Variants in PLEKHG2 observed in about 807,000 individuals in gnomAD.
The protein encoded by PLEKHG2 is pleckstrin homology and RhoGEF domain containing G2, also known as pleckstrin homology domain-containing family G member 2.
In PLEKHG2, 71 loss-of-function variants were observed where a neutral mutation model predicts 104.4. The observed-to-expected ratio is 0.68, with a 90% CI of 0.56 to 0.83. The LOEUF is 0.83. PLEKHG2 is among the 40% of genes least tolerant of loss of function. The pLI, the probability that PLEKHG2 is intolerant of heterozygous loss-of-function variation, is 0.00. For synonymous variants in PLEKHG2, 728 were observed against 737.0 expected (o/e 0.99, Z 0.20); for missense variants, 1,730 against 1,809.4 (o/e 0.96, Z 0.80).
chr19:39,426,916 T>C lies in PLEKHG2; in HGVS notation c.*1622T>C, dbSNP rs2078788150. On this transcript the variant is annotated 3_prime_UTR_variant, in exon 19 of 19. Transcript: ENST00000425673. The stretch of plus-strand genomic sequence containing the variant: ...TTGAGTGCAGTGGCAAAATCTTGGC[T>C]CATTGCAACCTCCACCTCCTGGGTT... The C allele has an allele frequency of 6.6e-6, 1 of 151,634 alleles. No homozygotes were observed. The highest frequency in any genetic ancestry group is 1.5e-5 in the Non-Finnish European group (1 of 67,978). 9.4% of individuals were successfully genotyped at this position (151,634 alleles called of 1,614,324 possible).
chr19:39,422,655 C>T (rs918408181), intron 17 of PLEKHG2, 77 bp from the exon 18 acceptor site: 3 of 1,470,688 alleles, frequency 2.0e-6, no homozygotes, highest in Non-Finnish European at 1.8e-6. Context: ...TCCCAAAGTG[C>T]TGGGATTACA....
chr19:39,416,108 G>A lies in PLEKHG2; in HGVS notation c.480-240G>A, dbSNP rs1190371433. Among the ~76,000 whole-genome samples the A allele has an allele frequency of 6.6e-6, 1 of 152,118 alleles. No homozygotes were observed. The highest frequency in any genetic ancestry group is 1.5e-5 in the Non-Finnish European group (1 of 68,012). ...ATATAACACCCCTAGGCTCATGCCA[G>A]CACTGACACAAGTTCAAGCTGAGGA... On this transcript the variant is annotated intron_variant, in intron 4 of 18. Transcript: ENST00000425673. The surrounding 1 kb of genome is among the most constrained non-coding windows in gnomAD (Gnocchi z 4.5).
chr19:39,421,748 G>A (rs1035947247), intron 16 of PLEKHG2: 1 of 222,934 alleles, frequency 4.5e-6, no homozygotes, highest in South Asian at 9.7e-5. Flanking sequence ...GCCAGGTACG[G>A]TGGCTCACCT....
chr19:39,417,920 C>A lies in PLEKHG2; in HGVS notation c.898C>A (p.Leu300Met). 3.2e-6 allele frequency: 5 copies of A among 1,541,812 alleles called. No individual in the cohort carries two copies. The highest frequency in any genetic ancestry group is 4.4e-6 in the Non-Finnish European group (5 of 1,145,356). ...GTCCCGGCAGGAAGTGCAGCGGCGG[C>A]TGGGTGGCTGGACCGGACCAGAGCT... Reference protein sequence around the residue: ...AARLQEVQRRLGGWTGPELSA... With the variant: ...AARLQEVQRRMGGWTGPELSA... Residue 300 changes from leucine to methionine, a missense_variant, in exon 9 of 19, where the codon CTG (leucine) becomes ATG (methionine). Physicochemically the swap from Leu to Met is conservative, Grantham distance 15. Coordinates refer to ENST00000425673, the MANE Select transcript of PLEKHG2 (RefSeq NM_022835.3).
intron 16 of PLEKHG2, chr19:39,421,811 A>ATT (rs2078702449): frequency 4.2e-6 from 1 of 240,064 alleles, no homozygotes; most frequent in Non-Finnish European, 7.9e-6. Flanking sequence ...GAGATCAGGA[A>ATT]TTTGAGACCA....
intron 11 of PLEKHG2, among the ~76,000 whole-genome samples, chr19:39,419,804 G>A (rs2078669106): frequency 6.6e-6 from 1 of 152,014 alleles, no homozygotes; most frequent in African/African-American, 2.4e-5. Context: ...GTGAACCCAG[G>A]AGGCAAGAGC....
chr19:39,419,262 A>G (rs1461162183), intron 11 of PLEKHG2, among the ~76,000 whole-genome samples: 4 of 152,174 alleles, frequency 2.6e-5, no homozygotes, highest in Non-Finnish European at 5.9e-5. Flanking sequence ...GGTTGTGGTG[A>G]TGAGTAATGG....
rs111927811 is a variant in PLEKHG2, at chr19:39,422,515, C to T, written c.1678-217C>T. Among the ~76,000 whole-genome samples the T allele has an allele frequency of 2.9e-3, 438 of 151,954 alleles. 2 individuals are homozygous for T. The highest frequency in any genetic ancestry group is 0.01 in the African/African-American group (431 of 41,468). ...GCCTCAGCCTCCTGAGTAGCTGGGACTACAGGCACCCGCCAACACACCCGG... is the reference window on the plus strand; with the variant it reads ...GCCTCAGCCTCCTGAGTAGCTGGGATTACAGGCACCCGCCAACACACCCGG... On this transcript the variant is annotated intron_variant, in intron 17 of 18. Coordinates refer to ENST00000425673, the MANE Select transcript of PLEKHG2 (RefSeq NM_022835.3).
chr19:39,418,998 G>A lies in PLEKHG2; in HGVS notation c.1258G>A (p.Ala420Thr). 1 of 1,610,890 alleles carries A rather than the reference G, an allele frequency of 6.2e-7. No individual in the cohort carries two copies. The highest frequency in any genetic ancestry group is 8.5e-7 in the Non-Finnish European group (1 of 1,179,430). ...TGAGAACCACCCTGCCTCCATCCCTGCCAAGGTACAGCTCCTGCCGCAGCC... is the reference window on the plus strand; with the variant it reads ...TGAGAACCACCCTGCCTCCATCCCTACCAAGGTACAGCTCCTGCCGCAGCC... The part of the protein sequence containing the change: ...FFENHPASIP[A>T]KAKQVLLENS... Residue 420 changes from alanine (A) to threonine (T), a missense_variant, in exon 11 of 19, where the codon GCC becomes ACC. Transcript: ENST00000425673.
intron 8 of PLEKHG2, 51 bp downstream of exon 8, chr19:39,417,743 G>T: frequency 6.7e-7 from 1 of 1,491,392 alleles, no homozygotes; most frequent in Non-Finnish European, 9.1e-7. Flanking sequence ...GAGCGAGGGG[G>T]CCTTGGGGCG....
chr19:39,417,908 G>C lies in PLEKHG2; in HGVS notation c.886G>C (p.Val296Leu). ...GCACCTGGCGGGGTCCCGGCAGGAA[G>C]TGCAGCGGCGGCTGGGTGGCTGGAC... is the stretch of plus-strand genomic sequence containing the variant. ...KQEHAARLQE[V>L]QRRLGGWTGP... Residue 296 changes from valine (V) to leucine (L), a missense_variant, in exon 9 of 19, where the codon GTG becomes CTG. Coordinates refer to ENST00000425673, the MANE Select transcript of PLEKHG2 (RefSeq NM_022835.3). The C allele has an allele frequency of 1.3e-6, 2 of 1,540,392 alleles. No homozygotes were observed. Among genetic ancestry groups the C allele is most frequent in the Non-Finnish European group, 1.7e-6 (2 of 1,145,076 alleles).
Position 39,425,588 on chromosome 19 carries a change from C to G in PLEKHG2, c.*294C>G, listed in dbSNP as rs926573515. ...ATGAATGGGAAGGTCTGACACAGAA[C>G]AAATCAGCGGTTCTGAAAGCTTGGG... On this transcript the variant is annotated 3_prime_UTR_variant, in exon 19 of 19. Transcript: ENST00000425673. 29 of 435,180 alleles carry G rather than the reference C, an allele frequency of 6.7e-5. No homozygotes were observed. The highest frequency in any genetic ancestry group is 1.1e-4 in the Non-Finnish European group (27 of 253,872). 27.0% of individuals were successfully genotyped at this position (435,180 alleles called of 1,614,324 possible).
rs1264509943 is a variant in PLEKHG2, at chr19:39,422,834, G to A, written c.1780G>A (p.Glu594Lys). The A allele has an allele frequency of 2.6e-6, 4 of 1,559,198 alleles. 1 individual carries two copies. The African/African-American group carries it at 4.1e-5, about 16-fold the overall frequency. The stretch of plus-strand genomic sequence containing the variant: ...CCTGCCCAGCCGGGACTCTTCAGAA[G>A]AGGAGGAGGAGGAAGAGGAAGGGCT... ...QALPSRDSSEEEEEEEEGLEM... is the reference protein window; with the variant it reads ...QALPSRDSSEKEEEEEEGLEM... Residue 594 changes from glutamate (E) to lysine (K), a missense_variant, in exon 18 of 19, where the codon GAG becomes AAG. Coordinates refer to ENST00000425673, the MANE Select transcript of PLEKHG2 (RefSeq NM_022835.3).
Position 39,416,083 on chromosome 19 carries a change from A to C in PLEKHG2, c.480-265A>C, listed in dbSNP as rs2078598275. Reference sequence around the variant, plus strand: ...GATCATCCTAGCTCTTTGGGTCATGATATAACACCCCTAGGCTCATGCCAG... The same window carrying C: ...GATCATCCTAGCTCTTTGGGTCATGCTATAACACCCCTAGGCTCATGCCAG... On this transcript the variant is annotated intron_variant, in intron 4 of 18. Coordinates refer to ENST00000425673, the MANE Select transcript of PLEKHG2 (RefSeq NM_022835.3). This position sits in a 1 kb window ranked among gnomAD's most constrained non-coding sequence, Gnocchi z 4.5. Among the ~76,000 whole-genome samples the C allele has an allele frequency of 6.6e-6, 1 of 152,094 alleles. No homozygotes were observed. The highest frequency in any genetic ancestry group is 2.4e-5 in the African/African-American group (1 of 41,382).
rs1333938741 is a variant in PLEKHG2, at chr19:39,425,725, A to G, written c.*431A>G. Reference sequence around the variant, plus strand: ...AGCCAAGTTAAGAAGCTTTGCTTCAAGTAGACACTAGAAATCCATTCCCTT... The same window carrying G: ...AGCCAAGTTAAGAAGCTTTGCTTCAGGTAGACACTAGAAATCCATTCCCTT... On this transcript the variant is annotated 3_prime_UTR_variant, in exon 19 of 19. Coordinates refer to ENST00000425673, the MANE Select transcript of PLEKHG2 (RefSeq NM_022835.3). The G allele has an allele frequency of 4.0e-6, 1 of 249,338 alleles. No homozygotes were observed. The highest frequency in any genetic ancestry group is 7.7e-5 in the East Asian group (1 of 12,998). 15.4% of individuals were successfully genotyped at this position (249,338 alleles called of 1,614,324 possible). A position where few individuals can be genotyped will look rare whatever the true frequency, so the allele number is the denominator to read the frequency against.
chr19:39,414,926 C>A, intron 2 of PLEKHG2, 66 bp from the exon 3 acceptor site: 1 of 1,486,326 alleles, frequency 6.7e-7, no homozygotes, highest in Non-Finnish European at 9.0e-7. Flanking sequence ...GGGCTGAACG[C>A]ATGAAAGGCT....
Position 39,423,423 on chromosome 19 carries a change from T to C in PLEKHG2, c.2369T>C (p.Ile790Thr), listed in dbSNP as rs755075052. ...ARPGFPEPLL[I>T]LEDSDLGGDS... ...CCAGGCTTCCCAGAGCCACTGCTGA[T>C]CCTGGAGGATTCGGATCTGGGTGGA... The change falls in exon 18 of 19, where the codon ATC becomes ACC. Residue 790 changes from isoleucine (I) to threonine (T), a missense_variant. Physicochemically the swap from Ile to Thr is moderately conservative, Grantham distance 89. Transcript: ENST00000425673. 25 of 1,610,908 alleles carry C rather than the reference T, an allele frequency of 1.6e-5. No individual in the cohort carries two copies. In the Admixed American group the frequency reaches 1.7e-4, roughly 11 times the overall value.
chr19:39,414,086 C>G lies in PLEKHG2; in HGVS notation c.-1C>G, dbSNP rs1300959103. The G allele has an allele frequency of 6.4e-7, 1 of 1,551,210 alleles. No homozygotes were observed. On this transcript the variant is annotated 5_prime_UTR_variant, in exon 2 of 19. Transcript: ENST00000425673. ...GCAGGACTCTGCTGGGCCGCTCAGC[C>G]ATGCCTGAGGGAGCCCAAGGACTGA... is the stretch of plus-strand genomic sequence containing the variant.
chr19:39,417,710 T>A lies in PLEKHG2; in HGVS notation c.882+18T>A. 8.7e-7 allele frequency: 1 copy of A among 1,154,178 alleles called. No homozygotes were observed. Among genetic ancestry groups the A allele is most frequent in the Non-Finnish European group, 1.1e-6 (1 of 907,490 alleles). The allele number at this position is 1,154,178 out of a possible 1,614,324, so 71.5% of individuals were successfully genotyped here. ...GCCTCCAGGTGGCCCCAGGGTGGGC[T>A]GGGGCTTGCTGGATGAGGGAGTGAG... is the stretch of plus-strand genomic sequence containing the variant. On this transcript the variant is annotated intron_variant, in intron 8 of 18. Coordinates refer to ENST00000425673, the MANE Select transcript of PLEKHG2 (RefSeq NM_022835.3).
Sources: gnomAD v4.1 joint callset for allele counts (sites outside exome capture counted in the v4.1 genomes callset) on GRCh38, gnomAD v4.1.1 for gene constraint, Gnocchi (gnomAD v3.1) non-coding constraint, MANE v1.5 for transcripts, NCBI Gene and HGNC (gene_info 2026-07-23, HGNC 2026-07-21) for gene names.